The following KIAA0753 variants were observed in gnomAD, a reference collection of about 807,000 sequenced individuals.
The protein encoded by KIAA0753 is protein moonraker.
Under a neutral mutation model 116.9 loss-of-function variants are expected in KIAA0753, and 114 were observed. The ratio of observed to expected loss-of-function variants is 0.98; its 90% CI spans 0.84 to 1.14. KIAA0753 has a LOEUF of 1.14. Among genes scored for constraint, KIAA0753 ranks in the 50% most tolerant of loss-of-function variants. KIAA0753 has a pLI of 0.00. For synonymous variants in KIAA0753, 405 were observed against 413.1 expected (o/e 0.98, Z 0.24); for missense variants, 1,156 against 1,172.4 (o/e 0.99, Z 0.20).
intron 9 of KIAA0753, 99 bp downstream of exon 9, chr17:6,609,895 C>T: frequency 7.8e-7 from 1 of 1,289,286 alleles, no homozygotes; most frequent in Non-Finnish European, 1.1e-6. Flanking sequence ...AAAATTAAGG[C>T]TACTACTTAA....
chr17:6,591,891 C>A (rs1269351638), intron 16 of KIAA0753, among the ~76,000 whole-genome samples: 2 of 152,246 alleles, frequency 1.3e-5, no homozygotes, highest in African/African-American at 4.8e-5. Flanking sequence ...GTGAGGAACA[C>A]ACAATGACAA....
At chr17:6,596,501 C>T (rs1008032619) in intron 14 of KIAA0753, among the ~76,000 whole-genome samples, 158 bp from the exon 15 acceptor site, 2 of 152,192 alleles carry the variant, frequency 1.3e-5, no homozygotes, top group African/African-American at 4.8e-5. Context: ...AAACAAGATT[C>T]TCCTAAGTCA....
At chr17:6,581,551 C>T (rs541207931) in intron 18 of KIAA0753, among the ~76,000 whole-genome samples, 174 of 152,284 alleles carry the variant, frequency 1.1e-3, no homozygotes, top group Middle Eastern at 3.4e-3. Flanking sequence ...ACTCCTGTTT[C>T]TCATGAAATT....
chr17:6,583,716 G>C (rs1178204910), intron 18 of KIAA0753, among the ~76,000 whole-genome samples: 4 of 152,096 alleles, frequency 2.6e-5, no homozygotes, highest in African/African-American at 4.8e-5. Context: ...TTAGTTCCCA[G>C]TTCTATGCCA....
At chr17:6,591,061 A>AGAAGGAAGAAGGAAGAAG (rs1567540817) in intron 16 of KIAA0753, among the ~76,000 whole-genome samples, 6 of 72,530 alleles carry the variant, frequency 8.3e-5, no homozygotes, top group South Asian at 4.4e-4. Flanking sequence ...AAGAAGAAGA[A>AGAAGGAAGAAGGAAGAAG]GAAGAAGAAG....
At chr17:6,585,088 G>C (rs1040006227) in intron 18 of KIAA0753, among the ~76,000 whole-genome samples, 3 of 152,078 alleles carry the variant, frequency 2.0e-5, no homozygotes, top group Admixed American at 1.3e-4. Context: ...CACCATACCC[G>C]GGCCCTAAAA....
In KIAA0753 at chr17:6,579,628, G is replaced by A; in HGVS notation, c.*119C>T. 1.4e-6 allele frequency: 1 copy of A among 716,486 alleles called. No homozygotes were observed. Among genetic ancestry groups the A allele is most frequent in the Non-Finnish European group, 2.5e-6 (1 of 403,380 alleles). 44.4% of individuals were successfully genotyped at this position (716,486 alleles called of 1,614,324 possible). A position where few individuals can be genotyped will look rare whatever the true frequency, so the allele number is the denominator to read the frequency against. On this transcript the variant is annotated 3_prime_UTR_variant, in exon 19 of 19. Transcript: ENST00000361413. The stretch of plus-strand genomic sequence containing the variant: ...TCCCCGGCACTGCCTTCCTTTCAGT[G>A]GGCAGCACCTTCTGGGCCTGGATGG...
At position 6,623,043 on chromosome 17, in the gene KIAA0753, G is replaced by A. The variant is rs762771340; in HGVS notation, c.943C>T (p.Gln315Ter). Reference sequence around the variant, plus strand: ...TCAGTAAACTGAGTGACAAACATCTGTAAGGCCCGAATGGCTCCTCGATGG... The same window carrying A: ...TCAGTAAACTGAGTGACAAACATCTATAAGGCCCGAATGGCTCCTCGATGG... ...AAHRGAIRAL[Q>*]MFVTQFTDRG... The change falls in exon 6 of 19, where the codon CAG becomes TAG. Residue 315 changes from glutamine to a stop codon, truncating the protein, a stop_gained. Transcript: ENST00000361413. LOFTEE classifies it high-confidence loss of function. 14 of 1,614,022 alleles carry A rather than the reference G, an allele frequency of 8.7e-6. No homozygotes were observed. Among genetic ancestry groups the A allele is most frequent in the Non-Finnish European group, 1.2e-5 (14 of 1,180,012 alleles).
Position 6,594,310 on chromosome 17 carries a change from T to C in KIAA0753, c.2440+662A>G, listed in dbSNP as rs371009206. Among the ~76,000 whole-genome samples, 17 of 147,170 alleles carry C rather than the reference T, an allele frequency of 1.2e-4. No homozygotes were observed. The East Asian group carries it at 1.8e-3, about 16-fold the overall frequency. On this transcript the variant is annotated intron_variant, in intron 16 of 18. Coordinates refer to ENST00000361413, the MANE Select transcript of KIAA0753 (RefSeq NM_014804.3). ...CCCCAGAACTATAGGAGAATAAATT[T>C]GTGCTTTAAGCCACCAAATATGTGG...
chr17:6,600,329 A>G, intron 13 of KIAA0753, 51 bp downstream of exon 13: 1 of 1,416,270 alleles, frequency 7.1e-7, no homozygotes, highest in Non-Finnish European at 1.0e-6. Flanking sequence ...AACTCATTTT[A>G]AATCCAGGAC....
intron 18 of KIAA0753, among the ~76,000 whole-genome samples, chr17:6,587,403 G>A (rs1968658605): frequency 6.6e-6 from 1 of 152,040 alleles, no homozygotes; most frequent in African/African-American, 2.4e-5. Flanking sequence ...TTCTTTATAG[G>A]CTGAGAGATT....
At chr17:6,638,131 C>G (rs1388344575) in intron 1 of KIAA0753, 2 of 152,880 alleles carry the variant, frequency 1.3e-5, no homozygotes, top group Non-Finnish European at 2.9e-5. Flanking sequence ...CCCGCCAGAC[C>G]ACAGCTTCTC....
At chr17:6,601,834 AG>A (rs1251501043) in intron 12 of KIAA0753, among the ~76,000 whole-genome samples, 1 of 152,238 alleles carries the variant, frequency 6.6e-6, no homozygotes, top group African/African-American at 2.4e-5. Context: ...TAACACTTTT[AG>A]TCATCAAAAG....
chr17:6,599,165 A>C, intron 14 of KIAA0753, 72 bp downstream of exon 14: 5 of 1,059,986 alleles, frequency 4.7e-6, no homozygotes, highest in Non-Finnish European at 7.3e-6. Context: ...AGTAATCTGT[A>C]TTTCATTTTC....
At chr17:6,608,575 G>T in intron 9 of KIAA0753, 111 bp from the exon 10 acceptor site, 1 of 503,138 alleles carries the variant, frequency 2.0e-6, no homozygotes, top group Non-Finnish European at 3.5e-6. Context: ...ATGGTGATCT[G>T]TAGCACGGGG....
At chr17:6,582,747 C>A (rs1968272947) in intron 18 of KIAA0753, among the ~76,000 whole-genome samples, 1 of 152,214 alleles carries the variant, frequency 6.6e-6, no homozygotes, top group Non-Finnish European at 1.5e-5. Context: ...ACATTACACA[C>A]ACTTTTATGA....
At chr17:6,622,397 T>A (rs1971387008) in intron 6 of KIAA0753, among the ~76,000 whole-genome samples, 1 of 152,236 alleles carries the variant, frequency 6.6e-6, no homozygotes, top group South Asian at 2.1e-4. Context: ...AAGAACACTA[T>A]CAATTCCTGT....
In KIAA0753 at chr17:6,612,053, A is replaced by G. The variant is rs562110568; in HGVS notation, c.1411T>C (p.Phe471Leu). 1.2e-5 allele frequency: 19 copies of G among 1,614,178 alleles called. No individual in the cohort carries two copies. Among genetic ancestry groups the G allele is most frequent in the Non-Finnish European group, 1.6e-5 (19 of 1,180,014 alleles). Residue 471 changes from phenylalanine to leucine, a missense_variant, in exon 8 of 19, where the codon TTT (phenylalanine) becomes CTT (leucine). Transcript: ENST00000361413. ...AAGCTTGCACTTTGGTCTAGAATAA[A>G]TGGTCCTTCTTCCAGAACTATATCC... ...DADIVLEEGP[F>L]ILDQSASFKD... is the part of the protein sequence containing the mutation.
chr17:6,594,954 A>C lies in KIAA0753; in HGVS notation c.2440+18T>G. On this transcript the variant is annotated intron_variant, in intron 16 of 18. Transcript: ENST00000361413. ...TTCAGAATAAAATGTTAGGGGAAAA[A>C]CATGGGGAAACACTCACCATTGTTT... is the stretch of plus-strand genomic sequence containing the variant. 2 of 1,581,854 alleles carry C rather than the reference A, an allele frequency of 1.3e-6. No homozygotes were observed. The highest frequency in any genetic ancestry group is 2.2e-5 in the East Asian group (1 of 44,734).
Sources: allele counts gnomAD v4.1 joint callset (sites outside exome capture counted in the v4.1 genomes callset), GRCh38; gene constraint gnomAD v4.1.1; transcripts MANE v1.5; gene names NCBI Gene and HGNC (gene_info 2026-07-23, HGNC 2026-07-21).